Variants in KANSL1 observed in about 807,000 individuals in gnomAD.
KANSL1 encodes the protein MLL1/MLL complex subunit KANSL1.
A neutral mutation model predicts 103.6 loss-of-function variants in KANSL1; 22 were observed. The ratio of observed to expected loss-of-function variants is 0.21; its 90% CI spans 0.15 to 0.30. The LOEUF (loss-of-function observed/expected upper bound fraction) is 0.30, where lower values mean the gene tolerates loss of function less well. KANSL1 is among the 10% of genes least tolerant of loss of function. The pLI, the probability that KANSL1 is intolerant of heterozygous loss-of-function variation, is 1.00. For synonymous variants in KANSL1, 600 were observed against 527.6 expected (o/e 1.14, Z -1.88); for missense variants, 1,337 against 1,399.8 (o/e 0.96, Z 0.72).
intron 2 of KANSL1, among the ~76,000 whole-genome samples, chr17:46,143,208 A>AT (rs1225198020): frequency 1.3e-5 from 2 of 152,218 alleles, no homozygotes; most frequent in Non-Finnish European, 2.9e-5. Context: ...ATATTTACAT[A>AT]TATGTACCCA....
intron 7 of KANSL1, chr17:46,043,124 G>A (rs1017861646): frequency 4.6e-5 from 7 of 152,214 alleles, no homozygotes; most frequent in Non-Finnish European, 7.3e-5. Context: ...AGAGGCTCAA[G>A]AAAGGAGACG....
In KANSL1 at chr17:46,145,622, G is replaced by C. The variant is rs540369741; in HGVS notation, c.1289+25233C>G. ...GAAACCAAAAAACCCAAAAAGGATT[G>C]TCAAGCTAGGTCAGCTTACAAAACC... is the stretch of plus-strand genomic sequence containing the variant. On this transcript the variant is annotated intron_variant, in intron 2 of 14. Coordinates refer to ENST00000432791, the MANE Select transcript of KANSL1 (RefSeq NM_015443.4). Among the ~76,000 whole-genome samples the C allele has an allele frequency of 8.5e-5, 13 of 152,350 alleles. No homozygotes were observed. In the South Asian group the frequency reaches 2.7e-3, roughly 32 times the overall value.
At chr17:46,137,364 T>G (rs2044198692) in intron 2 of KANSL1, among the ~76,000 whole-genome samples, 1 of 152,240 alleles carries the variant, frequency 6.6e-6, no homozygotes, top group Non-Finnish European at 1.5e-5. Context: ...ACTTTTAGAG[T>G]GCATACCTAT....
Position 46,039,845 on chromosome 17 carries a change from G to C in KANSL1, c.2060C>G (p.Ser687Cys). The C allele has an allele frequency of 6.2e-7, 1 of 1,614,200 alleles. No individual in the cohort carries two copies. The highest frequency in any genetic ancestry group is 1.3e-5 in the African/African-American group (1 of 75,046). Residue 687 changes from serine (S) to cysteine (C), a missense_variant, in exon 8 of 15, where the codon TCT (serine) becomes TGT (cysteine). Physicochemically the swap from Ser to Cys is moderately radical, Grantham distance 112 (BLOSUM62 -1). Coordinates refer to ENST00000432791, the MANE Select transcript of KANSL1 (RefSeq NM_015443.4). ...TSLHFQSMLKSQWQNKPFDKI... is the reference protein window; with the variant it reads ...TSLHFQSMLKCQWQNKPFDKI... ...GTCAAAAGGCTTGTTCTGCCACTGA[G>C]ATTTCAGCATGCTCTGGAAATGCAG...
intron 2 of KANSL1, among the ~76,000 whole-genome samples, chr17:46,165,512 A>AT (rs1347607992): frequency 1.4e-5 from 2 of 145,836 alleles, no homozygotes; most frequent in African/African-American, 2.5e-5. Flanking sequence ...GATTACAGGT[A>AT]TTTTTATTTT....
chr17:46,126,979 G>T (rs1305604958), intron 2 of KANSL1, among the ~76,000 whole-genome samples: 2 of 152,196 alleles, frequency 1.3e-5, no homozygotes, highest in African/African-American at 4.8e-5. Flanking sequence ...GAACAACAGA[G>T]GGGATCCACA....
chr17:46,130,041 C>A (rs576669089), intron 2 of KANSL1, among the ~76,000 whole-genome samples: 1 of 142,136 alleles, frequency 7.0e-6, no homozygotes, highest in African/African-American at 2.5e-5. Flanking sequence ...CAAAAATTAG[C>A]CAGGTATGGT....
chr17:46,099,473 A>C (rs1241548750), intron 2 of KANSL1, among the ~76,000 whole-genome samples: 1 of 152,250 alleles, frequency 6.6e-6, no homozygotes, highest in Non-Finnish European at 1.5e-5. Context: ...CACACATTGA[A>C]CATTAGGGAC....
chr17:46,050,551 C>G lies in KANSL1; in HGVS notation c.2002G>C (p.Val668Leu). Reference sequence around the variant, plus strand: ...TTCTTACCATCTGGAAATGCTAGAACAGGATGAACACAAGAGTCCAACTGG... The same window carrying G: ...TTCTTACCATCTGGAAATGCTAGAAGAGGATGAACACAAGAGTCCAACTGG... ...LSQLDSCVHP[V>L]LAFPDDVPTS... Residue 668 changes from valine to leucine, a missense_variant, in exon 7 of 15, where the codon GTT (valine) becomes CTT (leucine). This residue lies in a region of KANSL1 where 780 missense variants were observed against 923.4 expected (regional missense o/e 0.84). Coordinates refer to ENST00000432791, the MANE Select transcript of KANSL1 (RefSeq NM_015443.4). 2 of 1,614,112 alleles carry G rather than the reference C, an allele frequency of 1.2e-6. No individual in the cohort carries two copies. The highest frequency in any genetic ancestry group is 1.7e-6 in the Non-Finnish European group (2 of 1,180,014).
chr17:46,049,979 A>AAT (rs1395936428), intron 7 of KANSL1: 1 of 152,476 alleles, frequency 6.6e-6, no homozygotes, highest in African/African-American at 2.4e-5. Context: ...GCAATGGTGC[A>AAT]ATCTTGGCTC....
At chr17:46,195,739 TGTTTTG>T (rs2047585631), upstream of KANSL1, among the ~76,000 whole-genome samples, 1 of 152,178 alleles carries the variant, frequency 6.6e-6, no homozygotes, top group Non-Finnish European at 1.5e-5. Flanking sequence ...CACTCCTTTT[TGTTTTG>T]GTAGATACAG....
chr17:46,220,971 A>G (rs1597998530), intron 1 of KANSL1, among the ~76,000 whole-genome samples: 1 of 148,750 alleles, frequency 6.7e-6, no homozygotes, highest in Non-Finnish European at 1.5e-5. Flanking sequence ...TACACGTGTG[A>G]GCCACCATGC....
At chr17:46,160,969 T>C (rs562135527) in intron 2 of KANSL1, among the ~76,000 whole-genome samples, 2 of 152,186 alleles carry the variant, frequency 1.3e-5, no homozygotes, top group Non-Finnish European at 2.9e-5. Context: ...ATTAAAATTA[T>C]CTATCTCATT....
At chr17:46,094,363 C>G in intron 3 of KANSL1, 197 bp downstream of exon 3, 1 of 647,236 alleles carries the variant, frequency 1.5e-6, no homozygotes, top group South Asian at 2.1e-5. Flanking sequence ...TCCCAAAGTG[C>G]TGGGATCACA....
rs950085495 is a variant in KANSL1, at chr17:46,045,440, A to AAAAAAAAAAAAATATATATATAT, written c.2020+5092_2020+5093insATATATATATATTTTTTTTTTTT. The AAAAAAAAAAAAATATATATATAT allele has an allele frequency of 3.2e-4, 46 of 144,974 alleles. 1 individual carries two copies. Among genetic ancestry groups the AAAAAAAAAAAAATATATATATAT allele is most frequent in the South Asian group, 2.1e-4 (1 of 4,656 alleles). The allele number at this position is 144,974 out of a possible 1,614,324, so 9.0% of individuals were successfully genotyped here. ...GTAGTTAATAGAGCCTACATGTAAA[A>AAAAAAAAAAAAATATATATATAT]ATATATATATATCTCCACAGTCTCA... On this transcript the variant is annotated intron_variant, in intron 7 of 14. Coordinates refer to ENST00000432791, the MANE Select transcript of KANSL1 (RefSeq NM_015443.4).
chr17:46,174,107 G>A (rs2046408749), intron 1 of KANSL1, among the ~76,000 whole-genome samples: 1 of 152,170 alleles, frequency 6.6e-6, no homozygotes, highest in African/African-American at 2.4e-5. Context: ...AATTTTTTAG[G>A]CAAAGATTAG....
At chr17:46,085,200 G>A (rs2146855085) in intron 3 of KANSL1, among the ~76,000 whole-genome samples, 1 of 152,210 alleles carries the variant, frequency 6.6e-6, no homozygotes, top group African/African-American at 2.4e-5. Context: ...TTAGTCAGTA[G>A]AAGGTTAAAA....
intron 2 of KANSL1, among the ~76,000 whole-genome samples, chr17:46,111,653 A>G (rs1240555078): frequency 6.6e-6 from 1 of 152,276 alleles, no homozygotes; most frequent in Non-Finnish European, 1.5e-5. Flanking sequence ...TATACATCCA[A>G]GTATACATGG....
At chr17:46,040,999 T>C (rs1383923340) in intron 7 of KANSL1, 2 of 152,226 alleles carry the variant, frequency 1.3e-5, no homozygotes, top group African/African-American at 4.8e-5. Flanking sequence ...ATTTGTTAAA[T>C]GGTTTTGACC....
Sources: allele counts gnomAD v4.1 joint callset (sites outside exome capture counted in the v4.1 genomes callset), GRCh38; gene constraint gnomAD v4.1.1; regional missense constraint gnomAD v4.1.1; transcripts MANE v1.5; gene names NCBI Gene and HGNC (gene_info 2026-07-23, HGNC 2026-07-21).